Variants in VAV1 observed in about 807,000 individuals in gnomAD.
VAV1 encodes proto-oncogene vav.
A neutral mutation model predicts 128.1 loss-of-function variants in VAV1; 33 were observed. That is an observed-to-expected ratio of 0.26 (90% CI 0.20 to 0.34). VAV1 has a LOEUF of 0.34. Among genes scored for constraint, VAV1 ranks in the 10% least tolerant of loss-of-function variants. VAV1 has a pLI of 1.00. For missense variants in VAV1, 715 were observed against 1,093.7 expected (o/e 0.65, Z 4.88); for synonymous variants, 394 against 409.8 (o/e 0.96, Z 0.47).
intron 19 of VAV1, chr19:6,835,868 T>G (rs1022647574): frequency 2.0e-5 from 3 of 152,138 alleles, no homozygotes; most frequent in African/African-American, 7.2e-5. Context: ...TTGTTTTTTG[T>G]TTTTTTGTTT....
intron 1 of VAV1, among the ~76,000 whole-genome samples, chr19:6,795,750 C>A (rs920536458): frequency 3.3e-5 from 5 of 152,184 alleles, no homozygotes; most frequent in Non-Finnish European, 7.3e-5. Context: ...GTGGTGCGAT[C>A]TCAGCTCACT....
chr19:6,823,252 A>G (rs1347234018), intron 6 of VAV1, among the ~76,000 whole-genome samples: 1 of 150,128 alleles, frequency 6.7e-6, no homozygotes, highest in Non-Finnish European at 1.5e-5. Context: ...CAGCCTCCCA[A>G]GTAGCTGGGA....
chr19:6,788,055 T>G (rs372411235), intron 1 of VAV1, among the ~76,000 whole-genome samples: 1 of 151,678 alleles, frequency 6.6e-6, no homozygotes, highest in African/African-American at 2.4e-5. Flanking sequence ...CCAGCCTGGG[T>G]GACAGAGCAA....
chr19:6,807,998 A>AG (rs1971432352), intron 1 of VAV1, among the ~76,000 whole-genome samples: 1 of 149,964 alleles, frequency 6.7e-6, no homozygotes, highest in African/African-American at 2.5e-5. Context: ...TCAAAAAAAA[A>AG]AAAAAAAAAA....
intron 1 of VAV1, among the ~76,000 whole-genome samples, chr19:6,817,921 C>T (rs1009598670): frequency 5.3e-5 from 8 of 152,066 alleles, no homozygotes; most frequent in East Asian, 1.9e-4. Flanking sequence ...CTCCTGACCT[C>T]GTGATCCGCC....
rs186695760 is a variant in VAV1, at chr19:6,780,532, C to T, written c.204+7521C>T. On this transcript the variant is annotated intron_variant, in intron 1 of 26. Transcript: ENST00000602142. ...GCATGGGACTGCACTGAATACTTAC[C>T]ATTGCATTAAAAGATTGCCTTCTCC... 2.6e-4 allele frequency among the ~76,000 whole-genome samples: 38 copies of T among 148,004 alleles called. 2 individuals carry two copies. The highest frequency in any genetic ancestry group is 3.6e-3 in the Middle Eastern group (1 of 280).
chr19:6,790,184 A>G (rs201244174), intron 1 of VAV1, among the ~76,000 whole-genome samples: 2,089 of 85,640 alleles, frequency 0.024, 23 homozygotes, highest in Middle Eastern at 0.062. Context: ...TCTCAAAAAT[A>G]AAATAAAATA....
chr19:6,822,690 A>G lies in VAV1; in HGVS notation c.654+176A>G, dbSNP rs1321801509. On this transcript the variant is annotated intron_variant, in intron 6 of 26. Coordinates refer to ENST00000602142, the MANE Select transcript of VAV1 (RefSeq NM_005428.4). This position sits in a 1 kb window ranked among gnomAD's most constrained non-coding sequence, Gnocchi z 5.9. ...CTGACTTACATATGTATATATAAAT[A>G]TGAGTCTGACGTATATATATATTAA... Among the ~76,000 whole-genome samples, 1 of 150,684 alleles carries G rather than the reference A, an allele frequency of 6.6e-6. No individual in the cohort carries two copies. The highest frequency in any genetic ancestry group is 1.9e-4 in the East Asian group (1 of 5,158).
At chr19:6,851,297 C>T (rs1322030735) in intron 24 of VAV1, among the ~76,000 whole-genome samples, 2 of 151,882 alleles carry the variant, frequency 1.3e-5, no homozygotes, top group East Asian at 3.9e-4. Flanking sequence ...CTCAGCCTCC[C>T]GAGCAGCTGG....
At chr19:6,784,140 G>C in intron 1 of VAV1, 1 of 532,592 alleles carries the variant, frequency 1.9e-6, no homozygotes, top group Non-Finnish European at 3.4e-6. Flanking sequence ...TATAGTCTCA[G>C]CTACTCAGGA....
At chr19:6,817,880 A>G (rs369471383) in intron 1 of VAV1, among the ~76,000 whole-genome samples, 5,511 of 151,906 alleles carry the variant, frequency 0.036, 174 homozygotes, top group Non-Finnish European at 0.05. Flanking sequence ...TAGAGACGGG[A>G]TTTCACCGTG....
rs543615860 is a variant in VAV1, at chr19:6,779,877, C to T, written c.204+6866C>T. On this transcript the variant is annotated intron_variant, in intron 1 of 26. Coordinates refer to ENST00000602142, the MANE Select transcript of VAV1 (RefSeq NM_005428.4). ...CTGTAATTCCAGCACTTTGGGAGGC[C>T]GAGGCGGGCGGATCACAAGGTCAGG... Among the ~76,000 whole-genome samples the T allele has an allele frequency of 4.7e-5, 7 of 149,410 alleles. No homozygotes were observed. In the South Asian group the frequency reaches 8.7e-4, roughly 18 times the overall value.
intron 24 of VAV1, among the ~76,000 whole-genome samples, chr19:6,851,037 T>C (rs567505661): frequency 6.6e-6 from 1 of 152,248 alleles, no homozygotes; most frequent in East Asian, 1.9e-4. Flanking sequence ...TATGTGTGTA[T>C]ATATGCATAT....
chr19:6,791,585 A>T (rs1181514174), intron 1 of VAV1, among the ~76,000 whole-genome samples: 1 of 152,178 alleles, frequency 6.6e-6, no homozygotes, highest in Admixed American at 6.5e-5. Context: ...TCCTTACCTT[A>T]CATCTTACAA....
intron 1 of VAV1, among the ~76,000 whole-genome samples, chr19:6,787,635 C>G (rs528564492): frequency 6.6e-6 from 1 of 151,594 alleles, no homozygotes; most frequent in Non-Finnish European, 1.5e-5. Context: ...TTTGCTCTGT[C>G]ACACAGGCTG....
At chr19:6,851,057 T>A (rs2144829587) in intron 24 of VAV1, among the ~76,000 whole-genome samples, 1 of 152,200 alleles carries the variant, frequency 6.6e-6, no homozygotes, top group South Asian at 2.1e-4. Context: ...TATACATACA[T>A]ATGTATGTAT....
At chr19:6,783,497 G>A (rs532588549) in intron 1 of VAV1, among the ~76,000 whole-genome samples, 3 of 117,496 alleles carry the variant, frequency 2.6e-5, no homozygotes, top group East Asian at 2.4e-4. Context: ...TTTTTGAGAC[G>A]GAGTTTTGCC....
chr19:6,802,661 G>A (rs1236486715), intron 1 of VAV1, among the ~76,000 whole-genome samples: 2 of 152,166 alleles, frequency 1.3e-5, no homozygotes, highest in Admixed American at 6.6e-5. Context: ...CTGCCCATGA[G>A]CGCCCTCATT....
intron 1 of VAV1, among the ~76,000 whole-genome samples, chr19:6,796,257 G>A (rs1278880423): frequency 6.6e-6 from 1 of 152,186 alleles, no homozygotes; most frequent in Non-Finnish European, 1.5e-5. Flanking sequence ...GTACTCGAGA[G>A]AGAGGTGGGA....
Sources: allele counts gnomAD v4.1 joint callset (sites outside exome capture counted in the v4.1 genomes callset), GRCh38; gene constraint gnomAD v4.1.1; non-coding constraint Gnocchi (gnomAD v3.1); transcripts MANE v1.5; gene names NCBI Gene and HGNC (gene_info 2026-07-23, HGNC 2026-07-21).